MALRD1: variants seen among roughly 807,000 people sequenced by gnomAD.
MALRD1 encodes the protein MAM and LDL receptor class A domain containing 1, also known as MAM and LDL-receptor class A domain-containing protein 1.
In MALRD1, 247 loss-of-function variants were observed where a neutral mutation model predicts 242.1. That is an observed-to-expected ratio of 1.02 (90% confidence interval 0.92 to 1.13). The LOEUF (loss-of-function observed/expected upper bound fraction) is 1.13. MALRD1 is among the 50% of genes most tolerant of loss of function. MALRD1 has a pLI of 0.00. For synonymous variants in MALRD1, 995 were observed against 866.6 expected, an observed-to-expected ratio of 1.15 and a Z score of -2.60; for missense variants, 2,989 against 2,533.1, an observed-to-expected ratio of 1.18 and a Z score of -3.86.
chr10:19,381,786 C>A (rs139235710), intron 26 of MALRD1, among the ~76,000 whole-genome samples: 7 of 152,046 alleles, frequency 4.6e-5, no homozygotes, highest in Non-Finnish European at 8.8e-5. Flanking sequence ...TTGCAGTGAG[C>A]CGAGATTACG....
chr10:19,443,233 G>A (rs1256323768), intron 28 of MALRD1, among the ~76,000 whole-genome samples: 3 of 152,170 alleles, frequency 2.0e-5, no homozygotes, highest in South Asian at 2.1e-4. Flanking sequence ...AGTCTTGCTA[G>A]TGGTCTATCA....
chr10:19,204,966 C>T lies in MALRD1; in HGVS notation c.2279C>T (p.Ser760Leu), dbSNP rs1836721080. 1 of 1,550,632 alleles carries T rather than the reference C, an allele frequency of 6.4e-7. No individual in the cohort carries two copies. ...CTACATATGGAAAATTCTCATGACT[C>T]AACAGTGATTTGGAGAGTATTATAC... ...LQLHMENSHD[S>L]TVIWRVLYNQ... Residue 760 changes from serine to leucine, a missense_variant, in exon 17 of 40, where the codon TCA (serine) becomes TTA (leucine). Transcript: ENST00000454679.
intron 30 of MALRD1, chr10:19,493,401 T>C (rs1037848373): frequency 5.9e-5 from 9 of 152,186 alleles, no homozygotes; most frequent in Non-Finnish European, 1.3e-4. Context: ...ACTAATACCA[T>C]AGAATTATAG....
chr10:19,048,374 A>G (rs990013692), upstream of MALRD1, among the ~76,000 whole-genome samples: 1 of 152,224 alleles, frequency 6.6e-6, no homozygotes, highest in African/African-American at 2.4e-5. Context: ...AGACAAACAA[A>G]CAAAAGAAGA....
chr10:19,477,723 T>G (rs962844527), intron 29 of MALRD1, among the ~76,000 whole-genome samples: 10 of 152,176 alleles, frequency 6.6e-5, no homozygotes, highest in African/African-American at 2.4e-4. Context: ...CCAGATTTCA[T>G]AGATAAGCTT....
intron 38 of MALRD1, 34 bp downstream of exon 38, chr10:19,692,588 A>G (rs1181376255): frequency 6.8e-7 from 1 of 1,473,374 alleles, no homozygotes; most frequent in Non-Finnish European, 9.1e-7. Flanking sequence ...AATGAAATAT[A>G]CCGTAGCAGA....
At chr10:19,437,666 A>G (rs527856873) in intron 28 of MALRD1, among the ~76,000 whole-genome samples, 4 of 152,068 alleles carry the variant, frequency 2.6e-5, no homozygotes, top group Non-Finnish European at 5.9e-5. Flanking sequence ...ATTTTATTTG[A>G]ATATAACATC....
rs143339956 is a variant in MALRD1 at position 19,123,005 on chromosome 10, G to T, written c.695-487G>T. On this transcript the variant is annotated intron_variant, in intron 5 of 39. Coordinates refer to ENST00000454679, the MANE Select transcript of MALRD1 (RefSeq NM_001142308.3). Reference sequence around the variant, plus strand: ...CCTCCCAAAGGCCAGCCCATGCCTGGGATTACAGGTGTGAGCCACCATGGC... The same window carrying T: ...CCTCCCAAAGGCCAGCCCATGCCTGTGATTACAGGTGTGAGCCACCATGGC... Among the ~76,000 whole-genome samples the T allele has an allele frequency of 3.9e-5, 6 of 152,174 alleles. No individual in the cohort carries two copies. The East Asian group carries it at 1.2e-3, about 29-fold the overall frequency.
chr10:19,374,544 A>G (rs978594099), intron 26 of MALRD1, among the ~76,000 whole-genome samples: 3 of 152,198 alleles, frequency 2.0e-5, no homozygotes, highest in African/African-American at 7.2e-5. Context: ...ATCTTATTTC[A>G]TAAGTGATTT....
At chr10:19,247,993 T>C (rs1167630457) in intron 18 of MALRD1, among the ~76,000 whole-genome samples, 1 of 151,916 alleles carries the variant, frequency 6.6e-6, no homozygotes, top group African/African-American at 2.4e-5. Flanking sequence ...AGAAACAGCT[T>C]GATTGGTTAG....
In MALRD1 at chr10:19,531,232, T is replaced by C; in HGVS notation, c.5359T>C (p.Ser1787Pro). ...CTTCCTGTACGTCAACTCATCTGGC[T>C]CCAAGGAAGGATCCGTTGCCAGAAT... is the stretch of plus-strand genomic sequence containing the variant. ...QHFLYVNSSG[S>P]KEGSVARITT... Residue 1787 changes from serine (S) to proline (P), a missense_variant, in exon 32 of 40, where the codon TCC becomes CCC. Physicochemically the swap from Ser to Pro is moderately conservative, Grantham distance 74 (BLOSUM62 -1). Transcript: ENST00000454679. 1 of 1,550,408 alleles carries C rather than the reference T, an allele frequency of 6.4e-7. No homozygotes were observed. The highest frequency in any genetic ancestry group is 8.7e-7 in the Non-Finnish European group (1 of 1,146,872).
chr10:19,595,063 A>G, intron 33 of MALRD1, 131 bp from the exon 34 acceptor site: 1 of 884,166 alleles, frequency 1.1e-6, no homozygotes. Flanking sequence ...TATTAATCCT[A>G]ATTAGAAATT....
In MALRD1 at chr10:19,355,230, G is replaced by A. The variant is rs148347691; in HGVS notation, c.4441+2933G>A. On this transcript the variant is annotated intron_variant, in intron 26 of 39. Coordinates refer to ENST00000454679, the MANE Select transcript of MALRD1 (RefSeq NM_001142308.3). ...GATTTGGCTGAGGTGGGCACCTTAT[G>A]TAGCTATCTGAGATATTACAAAGGA... Among the ~76,000 whole-genome samples the A allele has an allele frequency of 9.9e-3, 1,510 of 152,204 alleles. 30 individuals carry two copies. Among genetic ancestry groups the A allele is most frequent in the African/African-American group, 0.034 (1,419 of 41,542 alleles).
chr10:19,513,674 G>A (rs770092871), intron 31 of MALRD1, among the ~76,000 whole-genome samples: 3 of 151,908 alleles, frequency 2.0e-5, no homozygotes, highest in Non-Finnish European at 2.9e-5. Flanking sequence ...GGGAGGCGGC[G>A]GTTGCAGTGA....
At chr10:19,719,177 T>TAC (rs1310963831) in intron 38 of MALRD1, among the ~76,000 whole-genome samples, 9 of 92,642 alleles carry the variant, frequency 9.7e-5, no homozygotes, top group Non-Finnish European at 1.8e-4. Flanking sequence ...TATACATACA[T>TAC]ATATATATAT....
At chr10:19,414,726 C>T (rs183358548) in intron 28 of MALRD1, among the ~76,000 whole-genome samples, 134 of 152,250 alleles carry the variant, frequency 8.8e-4, no homozygotes, top group Non-Finnish European at 1.6e-3. Context: ...ATAATCAGCA[C>T]TGTAGTCGGC....
intron 22 of MALRD1, among the ~76,000 whole-genome samples, chr10:19,326,272 G>A (rs553128235): frequency 6.6e-6 from 1 of 152,052 alleles, no homozygotes; most frequent in South Asian, 2.1e-4. Flanking sequence ...GAATATTGTG[G>A]GGTTAAGATT....
chr10:19,285,309 G>A (rs373280771), intron 21 of MALRD1, among the ~76,000 whole-genome samples: 111 of 138,084 alleles, frequency 8.0e-4, no homozygotes, highest in Non-Finnish European at 1.5e-3. Context: ...TTGGTGTTTT[G>A]GACATGAAGT....
chr10:19,267,285 T>C (rs1286822907), intron 19 of MALRD1, among the ~76,000 whole-genome samples: 1 of 152,102 alleles, frequency 6.6e-6, no homozygotes, highest in Non-Finnish European at 1.5e-5. Context: ...ATTAGTAATA[T>C]TTTATTTTCC....
Sources: allele counts gnomAD v4.1 joint callset (sites outside exome capture counted in the v4.1 genomes callset), GRCh38; gene constraint gnomAD v4.1.1; transcripts MANE v1.5; gene names NCBI Gene and HGNC (gene_info 2026-07-23, HGNC 2026-07-21).